AGTPBP1: variants seen among roughly 807,000 people sequenced by gnomAD.
AGTPBP1 encodes the protein ATP/GTP binding carboxypeptidase 1.
AGTPBP1 carries 70 observed loss-of-function variants against 143.9 expected under a neutral mutation model. The observed-to-expected ratio is 0.49, with a 90% CI of 0.40 to 0.59. The LOEUF is 0.59. AGTPBP1 is among the 20% of genes least tolerant of loss of function. AGTPBP1 has a pLI of 0.00. For missense variants in AGTPBP1, 1,229 were observed against 1,464.5 expected, an observed-to-expected ratio of 0.84 and a Z score of 2.62; for synonymous variants, 463 against 500.2, an observed-to-expected ratio of 0.93 and a Z score of 0.99.
the AGTPBP1 span, among the ~76,000 whole-genome samples, chr9:85,747,668 A>G: frequency 1.3e-5 from 2 of 152,164 alleles, no homozygotes; most frequent in Non-Finnish European, 2.9e-5. Flanking sequence ...CCTTGACACT[A>G]TAAGACAACC....
At chr9:85,780,974 G>A in the AGTPBP1 span, among the ~76,000 whole-genome samples, 1,003 of 152,106 alleles carry the variant, frequency 6.6e-3, 16 homozygotes, top group African/African-American at 0.023. Context: ...AAAATTAGCC[G>A]GGCGTGGTGC....
intron 13 of AGTPBP1, among the ~76,000 whole-genome samples, chr9:85,636,116 G>C (rs913041163): frequency 4.3e-4 from 65 of 152,006 alleles, no homozygotes; most frequent in African/African-American, 1.4e-3. Flanking sequence ...CAACAAGGTA[G>C]AAGGAAAAAG....
intron 1 of AGTPBP1, among the ~76,000 whole-genome samples, chr9:85,732,187 G>C (rs906760848): frequency 6.8e-6 from 1 of 147,718 alleles, no homozygotes; most frequent in African/African-American, 2.5e-5. Context: ...ATTTTTCTCT[G>C]CCTCTAACCT....
At chr9:85,595,407 GACAC>G (rs1829231164) in intron 18 of AGTPBP1, among the ~76,000 whole-genome samples, 2 of 152,210 alleles carry the variant, frequency 1.3e-5, no homozygotes, top group Non-Finnish European at 2.9e-5. Context: ...AACATTTGCA[GACAC>G]ACAGTAAAAA....
intron 1 of AGTPBP1, among the ~76,000 whole-genome samples, chr9:85,727,854 C>CAAAAAAAT (rs928776923): frequency 6.6e-6 from 1 of 151,568 alleles, no homozygotes; most frequent in Non-Finnish European, 1.5e-5. Flanking sequence ...TCCATCTCTA[C>CAAAAAAAT]AAAAAAATAA....
chr9:85,804,751 A>G, the AGTPBP1 span, among the ~76,000 whole-genome samples: 224 of 152,306 alleles, frequency 1.5e-3, 4 homozygotes, highest in East Asian at 0.022. Flanking sequence ...ACCAAGGGAG[A>G]TAACGTCAAA....
intron 25 of AGTPBP1, among the ~76,000 whole-genome samples, chr9:85,550,351 A>G (rs1307753768): frequency 5.3e-5 from 8 of 152,306 alleles, no homozygotes; most frequent in Non-Finnish European, 5.9e-5. Flanking sequence ...ACCATTTTCC[A>G]GTCCATTTTT....
intron 4 of AGTPBP1, 134 bp from the exon 5 acceptor site, chr9:85,678,532 C>T (rs935214234): frequency 6.7e-5 from 31 of 464,242 alleles, no homozygotes; most frequent in African/African-American, 5.8e-4. Flanking sequence ...CAGGTTTTCA[C>T]TATTATCATT....
intron 25 of AGTPBP1, among the ~76,000 whole-genome samples, chr9:85,550,586 T>C (rs1825980350): frequency 6.6e-6 from 1 of 152,200 alleles, no homozygotes; most frequent in Non-Finnish European, 1.5e-5. Context: ...ATTCTCATTA[T>C]TTCCAAATCC....
chr9:85,688,096 TAAA>T (rs58523894), intron 3 of AGTPBP1, among the ~76,000 whole-genome samples: 10 of 34,678 alleles, frequency 2.9e-4, no homozygotes, highest in South Asian at 2.6e-3. Flanking sequence ...GTCTCAAAAT[TAAA>T]AAAAAAAAAA....
intron 8 of AGTPBP1, among the ~76,000 whole-genome samples, chr9:85,667,608 C>T (rs1020605006): frequency 6.6e-6 from 1 of 151,996 alleles, no homozygotes; most frequent in Non-Finnish European, 1.5e-5. Context: ...CCAGCTCCAC[C>T]TATGAAATAT....
chr9:85,769,759 G>C, the AGTPBP1 span, among the ~76,000 whole-genome samples: 2 of 151,568 alleles, frequency 1.3e-5, no homozygotes, highest in Admixed American at 6.6e-5. Context: ...CTAACATTTA[G>C]AATAAGTTAT....
chr9:85,653,152 C>A (rs906943683), intron 11 of AGTPBP1, among the ~76,000 whole-genome samples: 4 of 150,782 alleles, frequency 2.7e-5, no homozygotes, highest in African/African-American at 9.8e-5. Context: ...GCATGTAGTC[C>A]CAGCTACTTG....
chr9:85,720,099 C>A (rs1043801491), intron 1 of AGTPBP1, among the ~76,000 whole-genome samples: 5 of 152,178 alleles, frequency 3.3e-5, no homozygotes, highest in Admixed American at 2.6e-4. Flanking sequence ...CGATGTTCAT[C>A]AGGGATATTG....
At position 85,610,345 on chromosome 9, in the gene AGTPBP1, CTATT is replaced by C. The variant is rs756128864; in HGVS notation, c.2335+8634_2335+8637del. Among the ~76,000 whole-genome samples the C allele has an allele frequency of 3.9e-5, 6 of 152,258 alleles. No homozygotes were observed. The South Asian group carries it at 1.2e-3, about 32-fold the overall frequency. The stretch of plus-strand genomic sequence containing the variant: ...GTGATGGATTGAAACAGACACAGCA[CTATT>C]TAGTGACACACATTCTCAAATTCAG... On this transcript the variant is annotated intron_variant, in intron 17 of 25. Transcript: ENST00000357081.
At chr9:85,585,876 T>C (rs1828569064) in intron 22 of AGTPBP1, among the ~76,000 whole-genome samples, 1 of 152,218 alleles carries the variant, frequency 6.6e-6, no homozygotes, top group Non-Finnish European at 1.5e-5. Context: ...ATAGTTCAAA[T>C]CTACAGTTGT....
the AGTPBP1 span, among the ~76,000 whole-genome samples, chr9:85,776,439 C>T: frequency 6.6e-6 from 1 of 152,290 alleles, no homozygotes. Flanking sequence ...AGTGACCCAA[C>T]CCTTCATTCC....
chr9:85,752,535 A>G, the AGTPBP1 span, among the ~76,000 whole-genome samples: 1 of 152,212 alleles, frequency 6.6e-6, no homozygotes, highest in Non-Finnish European at 1.5e-5. Context: ...GAAGAATGAA[A>G]AAAACGCTCA....
At chr9:85,646,517 C>T (rs1832819257) in intron 11 of AGTPBP1, 99 bp from the exon 12 acceptor site, 1 of 832,170 alleles carries the variant, frequency 1.2e-6, no homozygotes, top group Non-Finnish European at 1.9e-6. Flanking sequence ...TTTCAATCAC[C>T]AGAGAAAAAG....
Sources: gnomAD v4.1 joint callset for allele counts (sites outside exome capture counted in the v4.1 genomes callset) on GRCh38, gnomAD v4.1.1 for gene constraint, MANE v1.5 for transcripts, NCBI Gene and HGNC (gene_info 2026-07-23, HGNC 2026-07-21) for gene names.